SCAPER: variants seen among roughly 807,000 people sequenced by gnomAD.
The protein encoded by SCAPER is S-phase cyclin A associated protein in the ER, also known as S phase cyclin A-associated protein in the endoplasmic reticulum.
A neutral mutation model predicts 182.2 loss-of-function variants in SCAPER; 98 were observed. The observed-to-expected ratio is 0.54, with a 90% CI of 0.46 to 0.64. The LOEUF is 0.64. SCAPER is among the 30% of genes least tolerant of loss of function. The pLI is 0.00. For synonymous variants in SCAPER, 605 were observed against 564.6 expected (o/e 1.07, Z -1.01); for missense variants, 1,432 against 1,690.0 (o/e 0.85, Z 2.68).
At chr15:76,873,315 AAGGAAGGAAGGAAGGAAGGCAGGC>A (rs1390734848) in intron 2 of SCAPER, among the ~76,000 whole-genome samples, 82 of 122,296 alleles carry the variant, frequency 6.7e-4, no homozygotes, top group Admixed American at 1.5e-3. Flanking sequence ...GGAAGGAAGG[AAGGAAGGAAGGAAGGAAGGCAGGC>A]AGGCAGGCAG....
At chr15:76,656,154 A>T (rs2055615785) in intron 21 of SCAPER, among the ~76,000 whole-genome samples, 1 of 152,206 alleles carries the variant, frequency 6.6e-6, no homozygotes, top group African/African-American at 2.4e-5. Context: ...GTTGTCTTCA[A>T]TGGACCCATC....
chr15:76,807,968 C>T (rs1035881540), intron 5 of SCAPER, among the ~76,000 whole-genome samples: 7 of 152,178 alleles, frequency 4.6e-5, no homozygotes, highest in South Asian at 4.2e-4. Context: ...TCACAAATAG[C>T]GTCCCAACTT....
chr15:76,505,525 C>A (rs1250740324), intron 23 of SCAPER, among the ~76,000 whole-genome samples: 2 of 152,062 alleles, frequency 1.3e-5, no homozygotes, highest in Non-Finnish European at 2.9e-5. Flanking sequence ...TAGAAAAATG[C>A]AAATCAAAAC....
At chr15:76,764,326 T>G (rs1198475205) in intron 14 of SCAPER, among the ~76,000 whole-genome samples, 1 of 152,242 alleles carries the variant, frequency 6.6e-6, no homozygotes, top group Non-Finnish European at 1.5e-5. Context: ...AGGCAGTGGC[T>G]GCCAGCAGCA....
At chr15:76,504,496 A>C (rs1022581343) in intron 24 of SCAPER, among the ~76,000 whole-genome samples, 1 of 152,198 alleles carries the variant, frequency 6.6e-6, no homozygotes, top group Non-Finnish European at 1.5e-5. Context: ...GACTTTTGCT[A>C]ATGTACTTAC....
At chr15:76,820,035 T>G (rs1233781424) in intron 5 of SCAPER, among the ~76,000 whole-genome samples, 2 of 152,068 alleles carry the variant, frequency 1.3e-5, no homozygotes, top group Non-Finnish European at 2.9e-5. Context: ...AAAACCACAA[T>G]GAGATACCAT....
chr15:76,713,876 T>C (rs906152467), intron 17 of SCAPER, among the ~76,000 whole-genome samples: 2 of 152,130 alleles, frequency 1.3e-5, no homozygotes, highest in Non-Finnish European at 2.9e-5. Flanking sequence ...GCCATTCCTC[T>C]CCTAGTTATT....
chr15:76,795,417 G>T lies in SCAPER; in HGVS notation c.635C>A (p.Ala212Asp). ...NFGGSTGTVP[A>D]PRLAPTGVSW... is the part of the protein sequence containing the mutation. ...GACACCTGTGGGAGCCAGACGAGGA[G>T]CTGGCACTGTGCCAGTTGAACCTCT... Residue 212 changes from alanine to aspartate, a missense_variant, in exon 8 of 32, where the codon GCT (alanine) becomes GAT (aspartate). By Grantham distance (126) the Ala-to-Asp change is moderately radical (BLOSUM62 -2). Transcript: ENST00000563290. 6.2e-7 allele frequency: 1 copy of T among 1,603,800 alleles called. No homozygotes were observed. The highest frequency in any genetic ancestry group is 8.5e-7 in the Non-Finnish European group (1 of 1,174,390).
At chr15:76,363,818 C>A (rs1391352161) in intron 29 of SCAPER, among the ~76,000 whole-genome samples, 3 of 152,190 alleles carry the variant, frequency 2.0e-5, no homozygotes, top group African/African-American at 7.2e-5. Flanking sequence ...CAAAACTGGT[C>A]CTGCTACAAT....
intron 21 of SCAPER, among the ~76,000 whole-genome samples, chr15:76,638,620 T>C (rs1162452261): frequency 1.3e-5 from 2 of 152,224 alleles, no homozygotes; most frequent in East Asian, 1.9e-4. Context: ...TTTTTCTTCA[T>C]AAATATTTTC....
At chr15:76,811,133 A>AG (rs2066581440) in intron 5 of SCAPER, among the ~76,000 whole-genome samples, 1 of 151,662 alleles carries the variant, frequency 6.6e-6, no homozygotes, top group African/African-American at 2.4e-5. Flanking sequence ...AAAAAAAAAA[A>AG]AAAGACAACG....
At chr15:76,763,515 G>C (rs2062924645) in intron 14 of SCAPER, among the ~76,000 whole-genome samples, 2 of 148,334 alleles carry the variant, frequency 1.3e-5, no homozygotes, top group Non-Finnish European at 3.0e-5. Context: ...TATCTGTTTT[G>C]TTCTCCATAT....
chr15:76,891,975 C>G (rs1292712637), intron 1 of SCAPER, among the ~76,000 whole-genome samples: 6 of 152,300 alleles, frequency 3.9e-5, no homozygotes, highest in African/African-American at 1.4e-4. Flanking sequence ...GGTACCAAAA[C>G]AGATACATAG....
intron 15 of SCAPER, among the ~76,000 whole-genome samples, chr15:76,753,118 T>C (rs2062196801): frequency 6.6e-6 from 1 of 151,774 alleles, no homozygotes; most frequent in South Asian, 2.1e-4. Flanking sequence ...CCTAGGTTTT[T>C]ATAAAATAAA....
At chr15:76,449,463 T>C (rs2142810137) in intron 25 of SCAPER, among the ~76,000 whole-genome samples, 1 of 152,372 alleles carries the variant, frequency 6.6e-6, no homozygotes, top group East Asian at 1.9e-4. Flanking sequence ...GCATAAATAC[T>C]GAATTTTAGT....
At chr15:76,407,984 C>G (rs560939310) in intron 26 of SCAPER, among the ~76,000 whole-genome samples, 1 of 151,982 alleles carries the variant, frequency 6.6e-6, no homozygotes, top group African/African-American at 2.4e-5. Flanking sequence ...TTAAAAAAAA[C>G]AAAACCACAA....
intron 26 of SCAPER, among the ~76,000 whole-genome samples, chr15:76,425,402 T>C (rs1048867454): frequency 1.3e-5 from 2 of 152,240 alleles, no homozygotes; most frequent in African/African-American, 2.4e-5. Flanking sequence ...TTCCAGTTGA[T>C]AGAATCGGCT....
chr15:76,646,941 T>C (rs1030657848), intron 21 of SCAPER, among the ~76,000 whole-genome samples: 1 of 152,230 alleles, frequency 6.6e-6, no homozygotes, highest in African/African-American at 2.4e-5. Context: ...ACCTGTATCA[T>C]GAAACCTGGG....
intron 17 of SCAPER, among the ~76,000 whole-genome samples, chr15:76,717,283 A>G (rs1393474772): frequency 6.6e-6 from 1 of 152,186 alleles, no homozygotes; most frequent in African/African-American, 2.4e-5. Flanking sequence ...GTTACATGAA[A>G]TGCTTCTTCG....
Sources: allele counts gnomAD v4.1 joint callset (sites outside exome capture counted in the v4.1 genomes callset), GRCh38; gene constraint gnomAD v4.1.1; transcripts MANE v1.5; gene names NCBI Gene and HGNC (gene_info 2026-07-23, HGNC 2026-07-21).